PLEKHM3: variants seen among roughly 807,000 people sequenced by gnomAD.
PLEKHM3 encodes pleckstrin homology domain-containing family M member 3.
In PLEKHM3, 45 loss-of-function variants were observed where a neutral mutation model predicts 81.8. The observed-to-expected ratio is 0.55, with a 90% CI of 0.43 to 0.71. PLEKHM3 has a LOEUF of 0.71. PLEKHM3 is among the 30% of genes least tolerant of loss of function. PLEKHM3 has a pLI of 0.00. For missense variants in PLEKHM3, 788 were observed against 924.3 expected (o/e 0.85, Z 1.91); for synonymous variants, 352 against 356.4 (o/e 0.99, Z 0.14).
At chr2:207,877,025 A>C (rs528983516) in intron 6 of PLEKHM3, among the ~76,000 whole-genome samples, 1 of 152,240 alleles carries the variant, frequency 6.6e-6, no homozygotes, top group South Asian at 2.1e-4. Flanking sequence ...ATTTTTTACC[A>C]CTTAGTTTGA....
intron 1 of PLEKHM3, among the ~76,000 whole-genome samples, chr2:208,016,666 A>ATAC (rs1468410522): frequency 2.9e-5 from 1 of 34,054 alleles, no homozygotes; most frequent in African/African-American, 5.2e-5. Context: ...AAAAAAAAAA[A>ATAC]AAATACACAC....
chr2:207,900,980 C>A (rs2105887802), intron 6 of PLEKHM3: 1 of 420,676 alleles, frequency 2.4e-6, no homozygotes, highest in East Asian at 3.8e-5. Flanking sequence ...CAGATGACTG[C>A]ATGCCAAGGG....
At chr2:207,844,469 A>ATT (rs74889084) in intron 7 of PLEKHM3, among the ~76,000 whole-genome samples, 111 of 138,360 alleles carry the variant, frequency 8.0e-4, no homozygotes, top group South Asian at 2.6e-3. Flanking sequence ...CGCCCGGAGA[A>ATT]TTTTTTTTTT....
At chr2:207,904,139 A>G (rs1361852453) in intron 6 of PLEKHM3, among the ~76,000 whole-genome samples, 1 of 152,192 alleles carries the variant, frequency 6.6e-6, no homozygotes, top group African/African-American at 2.4e-5. Context: ...GTCACTTCAA[A>G]AGCCACCATG....
chr2:208,021,542 C>T (rs1374429728), intron 1 of PLEKHM3, among the ~76,000 whole-genome samples: 3 of 152,192 alleles, frequency 2.0e-5, no homozygotes, highest in African/African-American at 7.2e-5. Flanking sequence ...TTTATTATCT[C>T]CAGTATTTGA....
intron 1 of PLEKHM3, among the ~76,000 whole-genome samples, chr2:208,014,813 T>C (rs543005964): frequency 2.6e-4 from 40 of 152,314 alleles, no homozygotes; most frequent in South Asian, 8.3e-4. Context: ...CTCTGACTGA[T>C]CCATACTTCT....
intron 6 of PLEKHM3, among the ~76,000 whole-genome samples, chr2:207,865,799 AAAAGATATATATATATAT>A (rs1424786570): frequency 2.8e-5 from 1 of 35,140 alleles, no homozygotes; most frequent in African/African-American, 1.8e-4. Flanking sequence ...AAAAAAAAAA[AAAAGATATATATATATAT>A]ATATATATAT....
At chr2:208,007,285 G>T (rs933161318) in intron 1 of PLEKHM3, among the ~76,000 whole-genome samples, 1 of 152,308 alleles carries the variant, frequency 6.6e-6, no homozygotes, top group Non-Finnish European at 1.5e-5. Context: ...TTGGTTGAAG[G>T]TTGTGGCCGA....
At chr2:207,978,213 A>C (rs944863552) in intron 2 of PLEKHM3, among the ~76,000 whole-genome samples, 2 of 152,182 alleles carry the variant, frequency 1.3e-5, no homozygotes, top group Admixed American at 6.5e-5. Context: ...GTCTGTGTAG[A>C]AAACAGAAAT....
chr2:207,986,818 G>A (rs1427211863), intron 2 of PLEKHM3, among the ~76,000 whole-genome samples: 2 of 149,620 alleles, frequency 1.3e-5, no homozygotes, highest in Non-Finnish European at 3.0e-5. Flanking sequence ...CTACAGGCGT[G>A]TGCCAACCAT....
At chr2:207,891,499 C>A (rs1243746545) in intron 6 of PLEKHM3, among the ~76,000 whole-genome samples, 2 of 152,222 alleles carry the variant, frequency 1.3e-5, no homozygotes, top group African/African-American at 4.8e-5. Context: ...CTCAAGCTGT[C>A]TGGCTCCAGA....
intron 3 of PLEKHM3, among the ~76,000 whole-genome samples, chr2:207,975,581 GCT>G (rs1491205405): frequency 1.1e-4 from 11 of 101,022 alleles, no homozygotes; most frequent in African/African-American, 4.3e-4. Flanking sequence ...GGTTTTAAAA[GCT>G]TTTTTTTTTT....
At chr2:207,911,825 G>T (rs971075096) in intron 5 of PLEKHM3, among the ~76,000 whole-genome samples, 3 of 152,202 alleles carry the variant, frequency 2.0e-5, no homozygotes, top group Non-Finnish European at 4.4e-5. Flanking sequence ...GTCAGCTGGA[G>T]AAAGAGTTAA....
chr2:207,930,640 T>C lies in PLEKHM3; in HGVS notation c.1886+286A>G, dbSNP rs149553222. 7.2e-3 allele frequency among the ~76,000 whole-genome samples: 1,097 copies of C among 152,314 alleles called. 3 individuals carry two copies. Among genetic ancestry groups the C allele is most frequent in the Middle Eastern group, 0.017 (5 of 294 alleles). On this transcript the variant is annotated intron_variant, in intron 5 of 7. Transcript: ENST00000427836. ...CCATGATTATTATCTCAAATTAACATATTGGTAAGAGAAGCCTTCACCGTC... is the reference window on the plus strand; with the variant it reads ...CCATGATTATTATCTCAAATTAACACATTGGTAAGAGAAGCCTTCACCGTC...
intron 2 of PLEKHM3, among the ~76,000 whole-genome samples, chr2:207,989,363 A>G (rs1691824801): frequency 6.6e-6 from 1 of 152,212 alleles, no homozygotes; most frequent in Non-Finnish European, 1.5e-5. Flanking sequence ...AAGTCTTGAG[A>G]AGGAGGTGGT....
intron 7 of PLEKHM3, among the ~76,000 whole-genome samples, chr2:207,829,339 C>A (rs1452500291): frequency 6.6e-6 from 1 of 151,982 alleles, no homozygotes; most frequent in Non-Finnish European, 1.5e-5. Context: ...AGTGGTGTGA[C>A]CTCGGCTCAC....
chr2:207,950,050 G>A (rs1259849062), intron 3 of PLEKHM3, among the ~76,000 whole-genome samples: 3 of 152,126 alleles, frequency 2.0e-5, no homozygotes, highest in Admixed American at 6.5e-5. Context: ...AAACATCCTC[G>A]CAACTATGTA....
intron 5 of PLEKHM3, among the ~76,000 whole-genome samples, chr2:207,923,620 G>A (rs926499669): frequency 2.0e-5 from 3 of 148,424 alleles, no homozygotes; most frequent in Non-Finnish European, 3.0e-5. Flanking sequence ...ACACACACAC[G>A]CTCATAAAAG....
chr2:207,827,643 T>C lies in PLEKHM3; in HGVS notation c.*676A>G, dbSNP rs775064490. 13 of 152,176 alleles carry C rather than the reference T, an allele frequency of 8.5e-5. No individual in the cohort carries two copies. Among genetic ancestry groups the C allele is most frequent in the Non-Finnish European group, 1.5e-4 (10 of 68,032 alleles). The allele number at this position is 152,176 out of a possible 1,614,324, so 9.4% of individuals were successfully genotyped here. ...CTTCTCAGGAAAAAAACTTCTGAGA[T>C]TAACTTCAAAACCAGAACCAGCCCT... On this transcript the variant is annotated 3_prime_UTR_variant, in exon 8 of 8. Transcript: ENST00000427836.
Sources: allele counts gnomAD v4.1 joint callset (sites outside exome capture counted in the v4.1 genomes callset), GRCh38; gene constraint gnomAD v4.1.1; transcripts MANE v1.5; gene names NCBI Gene and HGNC (gene_info 2026-07-23, HGNC 2026-07-21).